The following PAX2 variants were observed in gnomAD, a reference collection of about 807,000 sequenced individuals.
PAX2 encodes the protein paired box 2, also known as paired box protein Pax-2.
In PAX2, 9 loss-of-function variants were observed where a neutral mutation model predicts 41.7. The observed-to-expected ratio is 0.22, with a 90% CI of 0.13 to 0.38. PAX2 has a LOEUF of 0.38. Among genes scored for constraint, PAX2 ranks in the 10% least tolerant of loss-of-function variants. The pLI is 1.00. For missense variants in PAX2, 418 were observed against 531.6 expected, an observed-to-expected ratio of 0.79 and a Z score of 2.10; for synonymous variants, 221 against 212.7, an observed-to-expected ratio of 1.04 and a Z score of -0.34.
At chr10:100,798,633 C>G (rs942682029) in intron 5 of PAX2, among the ~76,000 whole-genome samples, 1 of 151,974 alleles carries the variant, frequency 6.6e-6, no homozygotes, top group Non-Finnish European at 1.5e-5. Context: ...ATCCCACTTT[C>G]CCCTCATCCT....
intron 5 of PAX2, among the ~76,000 whole-genome samples, chr10:100,781,644 C>A (rs139645424): frequency 3.9e-5 from 6 of 152,200 alleles, no homozygotes; most frequent in Non-Finnish European, 8.8e-5. Flanking sequence ...AAGCAAGAAC[C>A]GTTTACCTTG....
intron 3 of PAX2, among the ~76,000 whole-genome samples, chr10:100,765,931 C>G (rs930565349): frequency 5.9e-5 from 9 of 152,022 alleles, no homozygotes; most frequent in Admixed American, 2.0e-4. Flanking sequence ...TCATCATCAT[C>G]ATCATCATCA....
intron 7 of PAX2, among the ~76,000 whole-genome samples, chr10:100,816,075 C>T (rs1848176821): frequency 6.6e-6 from 1 of 152,196 alleles, no homozygotes; most frequent in Non-Finnish European, 1.5e-5. Context: ...CCGTGAGGCC[C>T]AAAAACCTGA....
chr10:100,778,405 A>G (rs1395074957), intron 3 of PAX2, among the ~76,000 whole-genome samples: 2 of 152,172 alleles, frequency 1.3e-5, no homozygotes, highest in African/African-American at 4.8e-5. Context: ...TTGGGGATTA[A>G]GTCTCCCCTC....
intron 5 of PAX2, among the ~76,000 whole-genome samples, chr10:100,787,260 G>A (rs1207064097): frequency 6.6e-6 from 1 of 152,134 alleles, no homozygotes. Flanking sequence ...CAGTGGATGG[G>A]GGGTCACTTT....
Position 100,759,140 on chromosome 10 carries a change from G to T in PAX2, c.410+8249G>T, listed in dbSNP as rs114951648. 3.3e-3 allele frequency among the ~76,000 whole-genome samples: 510 copies of T among 152,298 alleles called. 4 individuals are homozygous for T. Among genetic ancestry groups the T allele is most frequent in the African/African-American group, 0.012 (485 of 41,570 alleles). On this transcript the variant is annotated intron_variant, in intron 3 of 9. Coordinates refer to ENST00000355243, the MANE Select transcript of PAX2 (RefSeq NM_000278.5). ...GCTTGGATTTGCTCATCCGAGCTGGGGCCTTCAGTGGCCCTGCAAGGTCTT... is the reference window on the plus strand; with the variant it reads ...GCTTGGATTTGCTCATCCGAGCTGGTGCCTTCAGTGGCCCTGCAAGGTCTT...
Position 100,824,353 on chromosome 10 carries a change from T to TACACACAC in PAX2, c.920-259_920-252dup, listed in dbSNP as rs61572589. On this transcript the variant is annotated intron_variant, in intron 7 of 9. Coordinates refer to ENST00000355243, the MANE Select transcript of PAX2 (RefSeq NM_000278.5). This position sits in a 1 kb window ranked among gnomAD's most constrained non-coding sequence, Gnocchi z 6.6. Reference sequence around the variant, plus strand: ...GCACAGAGACACAGGCAAAGGCAGATACACACACACACACACACACACACA... The same window carrying TACACACAC: ...GCACAGAGACACAGGCAAAGGCAGATACACACACACACACACACACACACACACACACA... Among the ~76,000 whole-genome samples, 21,876 of 135,238 alleles carry TACACACAC rather than the reference T, an allele frequency of 0.16. 1,963 individuals carry two copies. The highest frequency in any genetic ancestry group is 0.21 in the Admixed American group (2,849 of 13,508). 88.7% of individuals were successfully genotyped at this position (135,238 alleles called of 152,430 possible). A position where few individuals can be genotyped will look rare whatever the true frequency, so the allele number is the denominator to read the frequency against.
chr10:100,804,685 A>C (rs1847696566), intron 5 of PAX2, among the ~76,000 whole-genome samples: 1 of 152,216 alleles, frequency 6.6e-6, no homozygotes, highest in Non-Finnish European at 1.5e-5. Context: ...TTCTATTTCC[A>C]CACACGCAGA....
At position 100,827,865 on chromosome 10, in the gene PAX2, GC is replaced by G. The variant is rs1848642018; in HGVS notation, c.*250del. On this transcript the variant is annotated 3_prime_UTR_variant, in exon 10 of 10. Transcript: ENST00000355243. This position sits in a 1 kb window ranked among gnomAD's most constrained non-coding sequence, Gnocchi z 8.5. ...CCCGCCGCCCCCAGCCCCGCCTGCC[GC>G]CCCTCCCCGCCTGCCTGGACTGCGC... is the stretch of plus-strand genomic sequence containing the variant. 1.9e-6 allele frequency: 1 copy of G among 537,982 alleles called. No homozygotes were observed. The highest frequency in any genetic ancestry group is 3.3e-5 in the East Asian group (1 of 30,422). 33.3% of individuals were successfully genotyped at this position (537,982 alleles called of 1,614,324 possible).
intron 5 of PAX2, among the ~76,000 whole-genome samples, chr10:100,803,830 C>A (rs537902108): frequency 6.6e-6 from 1 of 151,990 alleles, no homozygotes; most frequent in Non-Finnish European, 1.5e-5. Flanking sequence ...TTTCCCTCCC[C>A]CTTCCCCTCC....
chr10:100,793,519 C>A (rs549329695), intron 5 of PAX2, among the ~76,000 whole-genome samples: 2 of 152,338 alleles, frequency 1.3e-5, no homozygotes, highest in African/African-American at 4.8e-5. Context: ...GGGTGCCACG[C>A]TCTTCTTCTC....
intron 6 of PAX2, 82 bp from the exon 7 acceptor site, chr10:100,809,028 G>T: frequency 7.3e-7 from 1 of 1,377,016 alleles, no homozygotes; most frequent in Non-Finnish European, 1.0e-6. Flanking sequence ...GGGCTCCCCT[G>T]TTCCTCCTCC....
chr10:100,801,539 T>C (rs1564734316), intron 5 of PAX2, among the ~76,000 whole-genome samples: 1 of 152,216 alleles, frequency 6.6e-6, no homozygotes, highest in Non-Finnish European at 1.5e-5. Context: ...AATGGCCCAG[T>C]CCTGGGAGTC....
chr10:100,781,286 T>A lies in PAX2; in HGVS notation c.537T>A (p.Asn179Lys). Reference sequence around the variant, plus strand: ...CCCCTCCTGTTTCCAGCGCCTCCAATGACCCAGTGGGATCCTACTCCATCA... The same window carrying A: ...CCCCTCCTGTTTCCAGCGCCTCCAAAGACCCAGTGGGATCCTACTCCATCA... ...TASPPVSSASNDPVGSYSING... is the reference protein window; with the variant it reads ...TASPPVSSASKDPVGSYSING... The change falls in exon 5 of 10, where the codon AAT becomes AAA. Residue 179 changes from asparagine to lysine, a missense_variant. By Grantham distance (94) the Asn-to-Lys change is moderately conservative. Around this residue, in one of 2 missense-constraint regions of PAX2, gnomAD observed 310 missense variants for 325.2 expected, o/e 0.95. Coordinates refer to ENST00000355243, the MANE Select transcript of PAX2 (RefSeq NM_000278.5). 1 of 1,613,676 alleles carries A rather than the reference T, an allele frequency of 6.2e-7. No individual in the cohort carries two copies. The highest frequency in any genetic ancestry group is 8.5e-7 in the Non-Finnish European group (1 of 1,179,580).
intron 3 of PAX2, among the ~76,000 whole-genome samples, chr10:100,758,779 T>C (rs1040975578): frequency 2.6e-5 from 4 of 152,198 alleles, no homozygotes; most frequent in African/African-American, 9.7e-5. Flanking sequence ...TCAGCAGCCT[T>C]TGGTTGACCT....
intron 5 of PAX2, among the ~76,000 whole-genome samples, chr10:100,788,192 G>T (rs11190707): frequency 0.13 from 20,015 of 152,306 alleles, 1,780 homozygotes; most frequent in Middle Eastern, 0.27. Context: ...GCTAGTCTGT[G>T]CTGAGATTGC....
intron 6 of PAX2, among the ~76,000 whole-genome samples, chr10:100,808,681 C>T (rs193065461): frequency 8.3e-4 from 127 of 152,264 alleles, no homozygotes; most frequent in African/African-American, 2.8e-3. Flanking sequence ...CATACCCGAT[C>T]AGCCAGCAGT....
intron 3 of PAX2, among the ~76,000 whole-genome samples, chr10:100,762,719 A>G (rs1342478675): frequency 6.6e-6 from 1 of 152,236 alleles, no homozygotes; most frequent in Non-Finnish European, 1.5e-5. Flanking sequence ...GATAAAAGAC[A>G]GAGCACTAAA....
At chr10:100,814,498 A>G (rs368470847) in intron 7 of PAX2, among the ~76,000 whole-genome samples, 24 of 152,316 alleles carry the variant, frequency 1.6e-4, no homozygotes, top group African/African-American at 4.8e-4. Context: ...GACCATACCT[A>G]TAGATTATTG....
Sources: gnomAD v4.1 joint callset for allele counts (sites outside exome capture counted in the v4.1 genomes callset) on GRCh38, gnomAD v4.1.1 for gene constraint, gnomAD v4.1.1 regional missense constraint, Gnocchi (gnomAD v3.1) non-coding constraint, MANE v1.5 for transcripts, NCBI Gene and HGNC (gene_info 2026-07-23, HGNC 2026-07-21) for gene names.